The following CNKSR2 variants were observed in gnomAD, a reference collection of about 807,000 sequenced individuals.
The protein encoded by CNKSR2 is connector enhancer of kinase suppressor of Ras 2.
Under a neutral mutation model 84.4 loss-of-function variants are expected in CNKSR2, and 14 were observed. The ratio of observed to expected loss-of-function variants is 0.17; its 90% CI spans 0.11 to 0.26. CNKSR2 has a LOEUF of 0.26. Ranked by LOEUF, CNKSR2 falls within the 10% of genes least tolerant of loss-of-function variation. The probability of loss-of-function intolerance (pLI) is 1.00; values close to 1 mark genes in which losing one functional copy is unlikely to be tolerated. For synonymous variants in CNKSR2, 275 were observed against 277.9 expected (o/e 0.99, Z 0.10); for missense variants, 485 against 771.2 (o/e 0.63, Z 4.40).
chrX:21,609,642 A>G, intron 20 of CNKSR2, 25 bp downstream of exon 20: 2 of 1,158,112 alleles, frequency 1.7e-6, no homozygotes, highest in Non-Finnish European at 2.3e-6. Context: ...GGAGATTCTT[A>G]GCCTGTGTAC....
At chrX:21,576,234 A>G (rs2092318529) in intron 13 of CNKSR2, among the ~76,000 whole-genome samples, 1 of 112,713 alleles carries the variant, frequency 8.9e-6, no homozygotes, top group Non-Finnish European at 1.9e-5. Flanking sequence ...TTCTCTGATT[A>G]TAATGAAATC....
intron 6 of CNKSR2, chrX:21,493,115 C>G (rs2091459257): frequency 8.9e-6 from 1 of 112,213 alleles, no homozygotes; most frequent in Non-Finnish European, 1.9e-5. Context: ...TCTAATTAGT[C>G]AAATCTCCTA....
chrX:21,416,256 A>G (rs1426493258), intron 1 of CNKSR2, among the ~76,000 whole-genome samples: 1 of 112,068 alleles, frequency 8.9e-6, no homozygotes, highest in Non-Finnish European at 1.9e-5. Flanking sequence ...ATTGATTTGC[A>G]TATGTTGAAC....
chrX:21,495,724 A>G (rs1237322241), intron 6 of CNKSR2: 1 of 88,008 alleles, frequency 1.1e-5, no homozygotes, highest in Admixed American at 1.4e-4. Context: ...CAGAGGTTGC[A>G]GTGAGCCGAG....
intron 18 of CNKSR2, among the ~76,000 whole-genome samples, chrX:21,604,836 C>T (rs1396436763): frequency 9.0e-6 from 1 of 111,223 alleles, no homozygotes; most frequent in Non-Finnish European, 1.9e-5. Context: ...ACTACCAAAC[C>T]CAGGCCCCAG....
intron 4 of CNKSR2, among the ~76,000 whole-genome samples, chrX:21,451,746 C>T (rs918418828): frequency 3.8e-5 from 4 of 104,177 alleles, no homozygotes; most frequent in Non-Finnish European, 7.9e-5. Context: ...ATACCTAATG[C>T]TAAATGACGA....
At chrX:21,555,211 A>G (rs1235726384) in intron 11 of CNKSR2, among the ~76,000 whole-genome samples, 1 of 110,441 alleles carries the variant, frequency 9.1e-6, no homozygotes, top group Non-Finnish European at 1.9e-5. Flanking sequence ...TTTGGAAATG[A>G]GATTTTAACT....
At chrX:21,511,018 A>C (rs893143336) in intron 8 of CNKSR2, among the ~76,000 whole-genome samples, 1 of 111,714 alleles carries the variant, frequency 9.0e-6, no homozygotes, top group African/African-American at 3.2e-5. Flanking sequence ...AATGTGAATG[A>C]ATTACTCTAT....
At chrX:21,598,287 T>G (rs894930912) in intron 17 of CNKSR2, among the ~76,000 whole-genome samples, 1 of 111,519 alleles carries the variant, frequency 9.0e-6, no homozygotes, top group Admixed American at 9.5e-5. Context: ...TTCTGAAGAC[T>G]TATTTACTGA....
chrX:21,580,513 C>A (rs1368331608), intron 13 of CNKSR2, among the ~76,000 whole-genome samples: 1 of 111,742 alleles, frequency 8.9e-6, no homozygotes, highest in Non-Finnish European at 1.9e-5. Flanking sequence ...TACATTATAT[C>A]AGAGAAATCA....
chrX:21,388,518 C>A (rs1169661676), intron 1 of CNKSR2, among the ~76,000 whole-genome samples: 1 of 111,943 alleles, frequency 8.9e-6, no homozygotes, highest in African/African-American at 3.2e-5. Flanking sequence ...GTTCAAAAAA[C>A]ACAATGATGA....
At chrX:21,416,509 A>C (rs1230466256) in intron 1 of CNKSR2, among the ~76,000 whole-genome samples, 1 of 111,201 alleles carries the variant, frequency 9.0e-6, no homozygotes, top group Non-Finnish European at 1.9e-5. Flanking sequence ...TCAGATTGGT[A>C]TTAGTTCTCC....
chrX:21,614,297 A>T lies in CNKSR2; in HGVS notation c.2692+4680A>T, dbSNP rs1475508858. On this transcript the variant is annotated intron_variant, in intron 20 of 21. Coordinates refer to ENST00000379510, the MANE Select transcript of CNKSR2 (RefSeq NM_014927.5). ...AGGTATTCCCAGAATATGAAATTGT[A>T]TTGAAGGAAGAAAAGGAACAAGTTG... Among the ~76,000 whole-genome samples the T allele has an allele frequency of 3.6e-5, 4 of 112,108 alleles. No individual in the cohort carries two copies. In the South Asian group the frequency reaches 1.1e-3, roughly 31 times the overall value.
Position 21,563,424 on chromosome X carries a change from C to G in CNKSR2, c.1580C>G (p.Thr527Ser). ...MDALRQDIMGTPVPETTLYHT... is the reference protein window; with the variant it reads ...MDALRQDIMGSPVPETTLYHT... ...GCACTGAGACAAGACATCATGGGCA[C>G]TCCTGTGCCAGAGACCACACTATAC... Residue 527 changes from threonine (T) to serine (S), a missense_variant, in exon 13 of 22, where the codon ACT becomes AGT. Physicochemically the swap from Thr to Ser is moderately conservative, Grantham distance 58. Coordinates refer to ENST00000379510, the MANE Select transcript of CNKSR2 (RefSeq NM_014927.5). 8.3e-7 allele frequency: 1 copy of G among 1,209,048 alleles called. No homozygotes were observed. The highest frequency in any genetic ancestry group is 1.1e-6 in the Non-Finnish European group (1 of 893,382).
At chrX:21,622,803 TA>T (rs1437720799) in intron 20 of CNKSR2, among the ~76,000 whole-genome samples, 1 of 111,767 alleles carries the variant, frequency 8.9e-6, no homozygotes. Context: ...ATAATTAGTA[TA>T]TTGATGGCTT....
Position 21,533,331 on chromosome X carries a change from AT to A in CNKSR2, c.1303+1272del, listed in dbSNP as rs2091901364. Reference sequence around the variant, plus strand: ...CCCTTGCCCCATGAAATAATATGAAATTTTTTTTCTTATTCATTCATTCCAC... The same window carrying A: ...CCCTTGCCCCATGAAATAATATGAAATTTTTTTCTTATTCATTCATTCCAC... On this transcript the variant is annotated intron_variant, in intron 11 of 21. Transcript: ENST00000379510. 2.8e-5 allele frequency among the ~76,000 whole-genome samples: 3 copies of A among 108,633 alleles called. No individual in the cohort carries two copies. In the South Asian group the frequency reaches 1.2e-3, roughly 43 times the overall value. The allele number at this position is 108,633 out of a possible 115,157, so 94.3% of individuals were successfully genotyped here.
intron 20 of CNKSR2, among the ~76,000 whole-genome samples, chrX:21,627,525 G>A (rs761030376): frequency 1.8e-5 from 2 of 111,493 alleles, no homozygotes; most frequent in Admixed American, 9.5e-5. Flanking sequence ...CTGAGACTGG[G>A]AAGAAAAAGA....
intron 1 of CNKSR2, among the ~76,000 whole-genome samples, chrX:21,405,264 A>G (rs2090248377): frequency 9.0e-6 from 1 of 111,635 alleles, no homozygotes; most frequent in Admixed American, 9.5e-5. Flanking sequence ...TCCATATACT[A>G]TTGGGCATTC....
chrX:21,471,191 T>TA (rs1485534638), intron 5 of CNKSR2, among the ~76,000 whole-genome samples: 4 of 112,070 alleles, frequency 3.6e-5, no homozygotes, highest in African/African-American at 1.3e-4. Flanking sequence ...AATACTTTAT[T>TA]AAAAAAATCA....
Sources: allele counts gnomAD v4.1 joint callset (sites outside exome capture counted in the v4.1 genomes callset), GRCh38; gene constraint gnomAD v4.1.1; transcripts MANE v1.5; gene names NCBI Gene and HGNC (gene_info 2026-07-23, HGNC 2026-07-21).